Variants in MPPED2 observed in about 807,000 individuals in gnomAD.
The protein encoded by MPPED2 is metallophosphoesterase MPPED2.
Under a neutral mutation model 33.0 loss-of-function variants are expected in MPPED2, and 5 were observed. The observed-to-expected ratio is 0.15, with a 90% CI of 0.08 to 0.32. The LOEUF is 0.32. Ranked by LOEUF, MPPED2 falls within the 10% of genes least tolerant of loss-of-function variation. The pLI, the probability that MPPED2 is intolerant of heterozygous loss-of-function variation, is 1.00. For missense variants in MPPED2, 275 were observed against 372.1 expected, an observed-to-expected ratio of 0.74 and a Z score of 2.15; for synonymous variants, 136 against 141.9, an observed-to-expected ratio of 0.96 and a Z score of 0.29.
intron 2 of MPPED2, among the ~76,000 whole-genome samples, chr11:30,543,061 C>T (rs1341544601): frequency 1.3e-5 from 2 of 152,090 alleles, no homozygotes; most frequent in African/African-American, 2.4e-5. Context: ...GAAGTAATGA[C>T]TTCTCCTAAA....
chr11:30,534,804 C>G (rs1458467772), intron 3 of MPPED2, among the ~76,000 whole-genome samples: 1 of 152,042 alleles, frequency 6.6e-6, no homozygotes, highest in Non-Finnish European at 1.5e-5. Flanking sequence ...GTGCTAGCTA[C>G]CAGAGGAAAA....
chr11:30,409,598 C>T (rs1387665827), downstream of MPPED2, among the ~76,000 whole-genome samples: 1 of 152,168 alleles, frequency 6.6e-6, no homozygotes, highest in Non-Finnish European at 1.5e-5. Flanking sequence ...AGAAATTGCG[C>T]CAAAGGATCC....
intron 3 of MPPED2, among the ~76,000 whole-genome samples, chr11:30,532,529 G>A (rs891332986): frequency 6.6e-6 from 1 of 152,158 alleles, no homozygotes; most frequent in African/African-American, 2.4e-5. Flanking sequence ...GTTGTATACA[G>A]GCCAGAGGTT....
chr11:30,483,390 A>T (rs905840260), intron 4 of MPPED2, among the ~76,000 whole-genome samples: 5 of 152,122 alleles, frequency 3.3e-5, no homozygotes, highest in South Asian at 4.1e-4. Context: ...ATTATTTAAA[A>T]ATATATATAT....
At chr11:30,578,632 G>A (rs1467324498) in intron 2 of MPPED2, among the ~76,000 whole-genome samples, 1 of 152,126 alleles carries the variant, frequency 6.6e-6, no homozygotes, top group African/African-American at 2.4e-5. Flanking sequence ...CATTTTCCAA[G>A]GAATCTGGGC....
intron 6 of MPPED2, among the ~76,000 whole-genome samples, chr11:30,399,798 C>A (rs1947885476): frequency 6.6e-6 from 1 of 152,000 alleles, no homozygotes; most frequent in Admixed American, 6.5e-5. Flanking sequence ...ATAGATAAAA[C>A]ATATTGGGAG....
At chr11:30,543,849 C>G (rs979182119) in intron 2 of MPPED2, among the ~76,000 whole-genome samples, 2 of 138,610 alleles carry the variant, frequency 1.4e-5, no homozygotes, top group African/African-American at 5.4e-5. Context: ...CTTAGTTTAG[C>G]CATTATGCCC....
At chr11:30,545,486 GC>G (rs1955364694) in intron 2 of MPPED2, among the ~76,000 whole-genome samples, 1 of 152,078 alleles carries the variant, frequency 6.6e-6, no homozygotes, top group African/African-American at 2.4e-5. Context: ...CTATCTTACA[GC>G]CATCTATACC....
At chr11:30,525,880 G>A (rs531200610) in intron 3 of MPPED2, among the ~76,000 whole-genome samples, 1 of 152,272 alleles carries the variant, frequency 6.6e-6, no homozygotes, top group East Asian at 1.9e-4. Flanking sequence ...AGAGGATTGG[G>A]TTCACATGGA....
intron 2 of MPPED2, among the ~76,000 whole-genome samples, chr11:30,554,049 G>C (rs1477689825): frequency 6.6e-6 from 1 of 152,144 alleles, no homozygotes; most frequent in Non-Finnish European, 1.5e-5. Flanking sequence ...TAGACTTCTT[G>C]GTTTGTCTTG....
At position 30,443,030 on chromosome 11, in the gene MPPED2, C is replaced by G. The variant is rs116032740; in HGVS notation, c.537-25397G>C. 9.1e-3 allele frequency among the ~76,000 whole-genome samples: 1,379 copies of G among 152,122 alleles called. 34 individuals carry two copies. Among genetic ancestry groups the G allele is most frequent in the African/African-American group, 0.029 (1,215 of 41,508 alleles). On this transcript the variant is annotated intron_variant, in intron 4 of 6. Coordinates refer to ENST00000358117, the MANE Select transcript of MPPED2 (RefSeq NM_001584.3). ...ATTGTCATTAAGCTTTCATCCTTAT[C>G]TTTTTTTAATCAAGTCACATAAGAA...
chr11:30,472,625 C>A (rs1249704102), intron 4 of MPPED2, among the ~76,000 whole-genome samples: 2 of 152,166 alleles, frequency 1.3e-5, no homozygotes, highest in Non-Finnish European at 2.9e-5. Context: ...CATGGATGAA[C>A]TTTGAAAGCA....
chr11:30,549,559 C>T (rs1343564799), intron 2 of MPPED2, among the ~76,000 whole-genome samples: 1 of 152,140 alleles, frequency 6.6e-6, no homozygotes, highest in Non-Finnish European at 1.5e-5. Flanking sequence ...TCCTATAACT[C>T]AGGAATATCA....
intron 4 of MPPED2, among the ~76,000 whole-genome samples, chr11:30,483,016 G>A (rs1239387106): frequency 1.3e-5 from 2 of 152,160 alleles, no homozygotes; most frequent in African/African-American, 4.8e-5. Flanking sequence ...CAGTGTGAAT[G>A]TAGCAAGGCA....
intron 4 of MPPED2, among the ~76,000 whole-genome samples, chr11:30,463,523 G>A (rs539258403): frequency 6.6e-6 from 1 of 152,280 alleles, no homozygotes; most frequent in African/African-American, 2.4e-5. Context: ...CAGCCAGCAG[G>A]CTCAGTCTCT....
intron 2 of MPPED2, among the ~76,000 whole-genome samples, chr11:30,547,309 T>C (rs905889699): frequency 1.3e-5 from 2 of 152,246 alleles, no homozygotes; most frequent in Admixed American, 1.3e-4. Context: ...TCAACAAACA[T>C]TTACTAAGCA....
At chr11:30,551,988 T>G (rs1384347443) in intron 2 of MPPED2, among the ~76,000 whole-genome samples, 1 of 152,322 alleles carries the variant, frequency 6.6e-6, no homozygotes, top group East Asian at 1.9e-4. Flanking sequence ...TTTCACTAGG[T>G]TGAAAAAACC....
chr11:30,455,560 A>G (rs956975598), intron 4 of MPPED2, among the ~76,000 whole-genome samples: 17 of 152,316 alleles, frequency 1.1e-4, no homozygotes, highest in African/African-American at 3.1e-4. Context: ...AGAAAAAGCT[A>G]AGTATATATC....
Position 30,417,510 on chromosome 11 carries a change from T to G in MPPED2, c.652+8A>C. ...TGGATGACAAAGGACAACCTTTGCT[T>G]CACTTACCTAGAGGAGGTCCATGTG... On this transcript the variant is annotated splice_region_variant and intron_variant, in intron 5 of 6. Transcript: ENST00000358117. 6.4e-7 allele frequency: 1 copy of G among 1,556,986 alleles called. No homozygotes were observed. The highest frequency in any genetic ancestry group is 1.1e-5 in the South Asian group (1 of 89,708).
Sources: gnomAD v4.1 joint callset for allele counts (sites outside exome capture counted in the v4.1 genomes callset) on GRCh38, gnomAD v4.1.1 for gene constraint, MANE v1.5 for transcripts, NCBI Gene and HGNC (gene_info 2026-07-23, HGNC 2026-07-21) for gene names.